The following TRIM2 variants were observed in gnomAD, a reference collection of about 807,000 sequenced individuals.
TRIM2 encodes tripartite motif containing 2, also known as tripartite motif-containing protein 2.
Under a neutral mutation model 75.2 loss-of-function variants are expected in TRIM2, and 20 were observed. That is an observed-to-expected ratio of 0.27 (90% CI 0.19 to 0.39). TRIM2 has a LOEUF of 0.39. Ranked by LOEUF, TRIM2 falls within the 10% of genes least tolerant of loss-of-function variation. TRIM2 has a pLI of 1.00. For missense variants in TRIM2, 660 were observed against 990.8 expected (o/e 0.67, Z 4.48); for synonymous variants, 373 against 388.3 (o/e 0.96, Z 0.46).
chr4:153,232,231 A>G (rs1289903659), intron 1 of TRIM2, among the ~76,000 whole-genome samples: 1 of 152,188 alleles, frequency 6.6e-6, no homozygotes, highest in African/African-American at 2.4e-5. Context: ...AGTCATGAGT[A>G]GCCAGGCGAG....
chr4:153,297,276 C>T (rs1208149332), intron 6 of TRIM2, among the ~76,000 whole-genome samples: 1 of 152,154 alleles, frequency 6.6e-6, no homozygotes, highest in Non-Finnish European at 1.5e-5. Context: ...GATATGGGTG[C>T]AGGGGTTGTT....
chr4:153,224,193 A>G (rs544760257), intron 1 of TRIM2, among the ~76,000 whole-genome samples: 20 of 152,248 alleles, frequency 1.3e-4, no homozygotes, highest in Admixed American at 2.6e-4. Flanking sequence ...GGCTTTGACT[A>G]CCTCACCCTT....
chr4:153,308,163 G>C, intron 6 of TRIM2: 1 of 1,271,906 alleles, frequency 7.9e-7, no homozygotes, highest in South Asian at 1.2e-5. Flanking sequence ...CTTCACCCCA[G>C]CGTCATAGAG....
At chr4:153,224,226 A>G (rs1219551149) in intron 1 of TRIM2, among the ~76,000 whole-genome samples, 1 of 152,236 alleles carries the variant, frequency 6.6e-6, no homozygotes, top group African/African-American at 2.4e-5. Flanking sequence ...AAAGTACTTG[A>G]TTAAATTCTT....
At chr4:153,293,259 A>C in intron 4 of TRIM2, 126 bp downstream of exon 4, 1 of 991,732 alleles carries the variant, frequency 1.0e-6, no homozygotes. Context: ...TGGGTAAATA[A>C]GTTCTTTTAT....
chr4:153,231,691 A>G (rs1299894798), intron 1 of TRIM2, among the ~76,000 whole-genome samples: 4 of 152,188 alleles, frequency 2.6e-5, no homozygotes, highest in Non-Finnish European at 4.4e-5. Flanking sequence ...AATCTGCTCC[A>G]TGCCTCTGTC....
rs1277716458 is a variant in TRIM2 at position 153,183,899 on chromosome 4, A to T, written c.-49+30629A>T. ...AGCTCCTCTACTTAGTCAGTCTTAA[A>T]CTGGGTAAGTGTCTTAACTTTTCTG... is the stretch of plus-strand genomic sequence containing the variant. On this transcript the variant is annotated intron_variant, in intron 1 of 11. Transcript: ENST00000437508. Among the ~76,000 whole-genome samples the T allele has an allele frequency of 3.9e-5, 6 of 152,180 alleles. No homozygotes were observed. The East Asian group carries it at 1.2e-3, about 29-fold the overall frequency.
chr4:153,244,421 T>TTCC (rs1560875607), intron 1 of TRIM2, among the ~76,000 whole-genome samples: 30 of 89,114 alleles, frequency 3.4e-4, no homozygotes, highest in Non-Finnish European at 4.0e-4. Flanking sequence ...CTTCTTCTTC[T>TTCC]TCTTCTTCTT....
chr4:153,198,695 A>G (rs772018212), intron 1 of TRIM2, among the ~76,000 whole-genome samples: 26 of 152,224 alleles, frequency 1.7e-4, no homozygotes, highest in Non-Finnish European at 3.1e-4. Flanking sequence ...TTTTTTAAAA[A>G]TCAGAAAGCA....
At chr4:153,236,556 C>A (rs1371874679) in intron 1 of TRIM2, among the ~76,000 whole-genome samples, 1 of 152,176 alleles carries the variant, frequency 6.6e-6, no homozygotes, top group African/African-American at 2.4e-5. Context: ...CCCACAGCAA[C>A]CCACTATGGA....
At chr4:153,293,379 T>A (rs2150135203) in intron 4 of TRIM2, among the ~76,000 whole-genome samples, 1 of 152,374 alleles carries the variant, frequency 6.6e-6, no homozygotes, top group East Asian at 1.9e-4. Context: ...TAAGTATGAT[T>A]ACATGAATTA....
intron 1 of TRIM2, among the ~76,000 whole-genome samples, chr4:153,198,903 C>T (rs1173429262): frequency 6.6e-6 from 1 of 152,076 alleles, no homozygotes; most frequent in Non-Finnish European, 1.5e-5. Context: ...TGTTTTGGAT[C>T]AAGGGTAAAA....
intron 1 of TRIM2, among the ~76,000 whole-genome samples, chr4:153,155,726 G>A (rs1729172603): frequency 6.6e-6 from 1 of 152,116 alleles, no homozygotes; most frequent in African/African-American, 2.4e-5. Flanking sequence ...ATCACCTGGG[G>A]ACTTAAAAAC....
At chr4:153,283,369 A>C (rs968755254) in intron 3 of TRIM2, among the ~76,000 whole-genome samples, 2 of 152,208 alleles carry the variant, frequency 1.3e-5, no homozygotes, top group Non-Finnish European at 2.9e-5. Flanking sequence ...AGGTTCATCC[A>C]TGTTATGGTA....
In TRIM2 at chr4:153,307,923, A is replaced by G. The variant is rs571978161; in HGVS notation, c.1511-7562A>G. The stretch of plus-strand genomic sequence containing the variant: ...GATCAGGACCTTATCTTGAGTCCCC[A>G]TGCCCATTATGGAGTCGTACAGCCG... On this transcript the variant is annotated intron_variant, in intron 6 of 11. Transcript: ENST00000338700. The G allele has an allele frequency of 2.5e-4, 187 of 753,744 alleles. 2 individuals are homozygous for G. The Middle Eastern group carries it at 5.6e-3, about 23-fold the overall frequency. 46.7% of individuals were successfully genotyped at this position (753,744 alleles called of 1,614,324 possible). A position where few individuals can be genotyped will look rare whatever the true frequency, so the allele number is the denominator to read the frequency against.
chr4:153,242,093 C>T (rs1415766571), intron 1 of TRIM2, among the ~76,000 whole-genome samples: 5 of 152,320 alleles, frequency 3.3e-5, no homozygotes, highest in East Asian at 3.9e-4. Flanking sequence ...ATGCCAACCA[C>T]GTGGGTCCTT....
At chr4:153,235,224 CTCAAAG>C (rs1351046548) in intron 1 of TRIM2, among the ~76,000 whole-genome samples, 3 of 152,104 alleles carry the variant, frequency 2.0e-5, no homozygotes, top group African/African-American at 7.2e-5. Flanking sequence ...TTCTGAAGCA[CTCAAAG>C]TCAGTTTGTT....
chr4:153,152,176 C>G (rs565877567), upstream of TRIM2, among the ~76,000 whole-genome samples: 1 of 152,110 alleles, frequency 6.6e-6, no homozygotes, highest in Non-Finnish European at 1.5e-5. Context: ...CATGGACATT[C>G]TTCTTAGAAG....
At chr4:153,268,162 T>C (rs1290630276) in intron 1 of TRIM2, among the ~76,000 whole-genome samples, 2 of 152,244 alleles carry the variant, frequency 1.3e-5, no homozygotes, top group African/African-American at 4.8e-5. Flanking sequence ...GAGTGCAGGC[T>C]CTGCAAAACA....
Sources: allele counts gnomAD v4.1 joint callset (sites outside exome capture counted in the v4.1 genomes callset), GRCh38; gene constraint gnomAD v4.1.1; transcripts MANE v1.5; gene names NCBI Gene and HGNC (gene_info 2026-07-23, HGNC 2026-07-21).